The following KIF6 variants were observed in gnomAD, a reference collection of about 807,000 sequenced individuals.
The protein encoded by KIF6 is kinesin family member 6, also known as kinesin-like protein KIF6.
A neutral mutation model predicts 112.7 loss-of-function variants in KIF6; 106 were observed. The ratio of observed to expected loss-of-function variants is 0.94; its 90% CI spans 0.80 to 1.11. KIF6 has a LOEUF of 1.11. KIF6 is among the 50% of genes least tolerant of loss of function. The probability of loss-of-function intolerance (pLI) is 0.00; values close to 1 mark genes in which losing one functional copy is unlikely to be tolerated. For synonymous variants in KIF6, 339 were observed against 339.9 expected (o/e 1.00, Z 0.03); for missense variants, 929 against 964.0 (o/e 0.96, Z 0.48).
chr6:39,678,499 T>G (rs1490610383), intron 3 of KIF6, among the ~76,000 whole-genome samples: 1 of 152,210 alleles, frequency 6.6e-6, no homozygotes, highest in Non-Finnish European at 1.5e-5. Flanking sequence ...GGTAAAGCTC[T>G]AGGATGAGTT....
intron 20 of KIF6, among the ~76,000 whole-genome samples, chr6:39,346,017 A>ATAG (rs1177414310): frequency 1.4e-5 from 2 of 142,920 alleles, no homozygotes; most frequent in African/African-American, 5.2e-5. Context: ...TAGTGTCCTT[A>ATAG]TAGGTATAAG....
At chr6:39,575,535 G>T (rs931768995) in intron 10 of KIF6, among the ~76,000 whole-genome samples, 1 of 152,206 alleles carries the variant, frequency 6.6e-6, no homozygotes, top group Non-Finnish European at 1.5e-5. Context: ...CTTCCAAAGT[G>T]CTGGGATTAC....
chr6:39,351,198 T>TTG (rs1554197913), intron 19 of KIF6, among the ~76,000 whole-genome samples: 9 of 151,562 alleles, frequency 5.9e-5, no homozygotes, highest in Middle Eastern at 3.4e-3. Flanking sequence ...TTTTTTTTTT[T>TTG]TTTTGCAAGC....
At chr6:39,563,918 T>C (rs1780150017) in intron 10 of KIF6, among the ~76,000 whole-genome samples, 1 of 152,220 alleles carries the variant, frequency 6.6e-6, no homozygotes, top group Non-Finnish European at 1.5e-5. Context: ...TAATTTGCAT[T>C]TCTTTGATAA....
At chr6:39,380,978 G>A (rs1472225017) in intron 16 of KIF6, among the ~76,000 whole-genome samples, 15 of 152,076 alleles carry the variant, frequency 9.9e-5, no homozygotes, top group Admixed American at 9.8e-4. Flanking sequence ...CACATTCCTG[G>A]AGTACTAACA....
intron 4 of KIF6, among the ~76,000 whole-genome samples, chr6:39,638,499 T>C (rs1428410429): frequency 6.6e-6 from 1 of 152,112 alleles, no homozygotes; most frequent in African/African-American, 2.4e-5. Flanking sequence ...ATCCAACATA[T>C]ATGCTATACT....
At position 39,357,637 on chromosome 6, in the gene KIF6, C is replaced by T. The variant is rs574472928; in HGVS notation, c.2083-263G>A. Among the ~76,000 whole-genome samples, 105 of 152,020 alleles carry T rather than the reference C, an allele frequency of 6.9e-4. No homozygotes were observed. The South Asian group carries it at 7.5e-3, about 11-fold the overall frequency. ...CAAATTTTTGTATTTATAGTAGAGA[C>T]GGTGTTTTGCCATGTTGGCCAGGCT... On this transcript the variant is annotated intron_variant, in intron 18 of 22. Coordinates refer to ENST00000287152, the MANE Select transcript of KIF6 (RefSeq NM_145027.6).
chr6:39,664,537 T>C (rs574755026), intron 3 of KIF6, among the ~76,000 whole-genome samples: 1 of 152,166 alleles, frequency 6.6e-6, no homozygotes, highest in South Asian at 2.1e-4. Context: ...ATTTGTGAAA[T>C]ATATTTGGTA....
At chr6:39,362,539 T>C (rs1312045445) in intron 16 of KIF6, 21 bp from the exon 17 acceptor site, 2 of 1,552,644 alleles carry the variant, frequency 1.3e-6, no homozygotes, top group African/African-American at 2.7e-5. Context: ...AAGGTGCCAA[T>C]GGGATGGTGA....
intron 4 of KIF6, among the ~76,000 whole-genome samples, chr6:39,636,068 T>C (rs1456515928): frequency 2.6e-5 from 4 of 151,914 alleles, no homozygotes; most frequent in African/African-American, 7.2e-5. Flanking sequence ...GAGAGAATAG[T>C]GGCCCATAAA....
At chr6:39,690,046 G>A (rs1035477936) in intron 3 of KIF6, 3 of 152,190 alleles carry the variant, frequency 2.0e-5, no homozygotes, top group African/African-American at 7.2e-5. Context: ...AAGAAAGTGT[G>A]TGTCATTTGC....
chr6:39,374,486 G>A (rs1056094728), intron 16 of KIF6, among the ~76,000 whole-genome samples: 1 of 152,050 alleles, frequency 6.6e-6, no homozygotes, highest in Non-Finnish European at 1.5e-5. Context: ...CTGATAAAGG[G>A]TTTATATTCA....
intron 15 of KIF6, among the ~76,000 whole-genome samples, chr6:39,396,451 G>T (rs1768274323): frequency 6.6e-6 from 1 of 152,206 alleles, no homozygotes; most frequent in Non-Finnish European, 1.5e-5. Flanking sequence ...GTGGTGGAGT[G>T]GGGAGCCAGA....
chr6:39,647,822 C>T (rs1785246140), intron 3 of KIF6, among the ~76,000 whole-genome samples: 1 of 151,108 alleles, frequency 6.6e-6, no homozygotes, highest in Admixed American at 6.6e-5. Context: ...AGTGATTCTC[C>T]TGCCTCAGTT....
At chr6:39,415,944 T>C (rs1769890415) in intron 15 of KIF6, among the ~76,000 whole-genome samples, 1 of 152,228 alleles carries the variant, frequency 6.6e-6, no homozygotes, top group Non-Finnish European at 1.5e-5. Context: ...TTTCTTTGCC[T>C]CTCACTAACA....
intron 13 of KIF6, among the ~76,000 whole-genome samples, chr6:39,453,557 C>T (rs535982866): frequency 2.0e-5 from 3 of 152,242 alleles, no homozygotes; most frequent in South Asian, 2.1e-4. Context: ...TATCACTTCT[C>T]GTCCTTCATA....
chr6:39,558,757 C>A (rs1400468057), intron 10 of KIF6, among the ~76,000 whole-genome samples: 2 of 152,196 alleles, frequency 1.3e-5, no homozygotes. Flanking sequence ...TCCAACATAT[C>A]AGCCATAGTC....
chr6:39,697,542 T>A (rs1582472506), intron 3 of KIF6, among the ~76,000 whole-genome samples: 1 of 2,384 alleles, frequency 4.2e-4, no homozygotes, highest in South Asian at 6.3e-3. Flanking sequence ...TTATCCTTTC[T>A]TTTTTTTTTT....
At chr6:39,713,744 C>T (rs912380997) in intron 3 of KIF6, among the ~76,000 whole-genome samples, 4 of 152,114 alleles carry the variant, frequency 2.6e-5, no homozygotes, top group Admixed American at 6.6e-5. Context: ...TTGATTATAA[C>T]TCTGAAATAG....
Sources: gnomAD v4.1 joint callset for allele counts (sites outside exome capture counted in the v4.1 genomes callset) on GRCh38, gnomAD v4.1.1 for gene constraint, MANE v1.5 for transcripts, NCBI Gene and HGNC (gene_info 2026-07-23, HGNC 2026-07-21) for gene names.